Variants in RSF1 observed in about 807,000 individuals in gnomAD.
RSF1 encodes remodeling and spacing factor 1.
A neutral mutation model predicts 145.2 loss-of-function variants in RSF1; 13 were observed. The ratio of observed to expected loss-of-function variants is 0.09; its 90% CI spans 0.06 to 0.14. The LOEUF is 0.14. Among genes scored for constraint, RSF1 ranks in the 10% least tolerant of loss-of-function variants. The pLI is 1.00. For missense variants in RSF1, 1,517 were observed against 1,718.2 expected (o/e 0.88, Z 2.07); for synonymous variants, 577 against 592.6 (o/e 0.97, Z 0.38).
chr11:77,841,776 C>T, the RSF1 span, among the ~76,000 whole-genome samples: 3 of 152,148 alleles, frequency 2.0e-5, no homozygotes, highest in Non-Finnish European at 4.4e-5. Flanking sequence ...TGTTAAATCC[C>T]ACCTAGTTTG....
At chr11:77,836,792 GC>G in the RSF1 span, among the ~76,000 whole-genome samples, 1 of 152,014 alleles carries the variant, frequency 6.6e-6, no homozygotes, top group Non-Finnish European at 1.5e-5. Context: ...ATGGAGAAAC[GC>G]CATCTCTACT....
chr11:77,761,281 C>A (rs772707960), intron 2 of RSF1, among the ~76,000 whole-genome samples: 1 of 152,130 alleles, frequency 6.6e-6, no homozygotes, highest in Non-Finnish European at 1.5e-5. Flanking sequence ...CTTTCAAGTA[C>A]TGAGCCCCCC....
chr11:77,786,094 C>A (rs1427553143), intron 1 of RSF1, among the ~76,000 whole-genome samples: 3 of 152,026 alleles, frequency 2.0e-5, no homozygotes, highest in African/African-American at 7.3e-5. Flanking sequence ...ATTACTGTCT[C>A]CATTATGAAG....
chr11:77,698,731 A>G, intron 6 of RSF1, 38 bp from the exon 7 acceptor site: 1 of 1,546,382 alleles, frequency 6.5e-7, no homozygotes, highest in South Asian at 1.1e-5. Flanking sequence ...AATTTGATAT[A>G]AGAATGTCTT....
the RSF1 span, among the ~76,000 whole-genome samples, chr11:77,829,088 T>G: frequency 6.6e-6 from 1 of 152,200 alleles, no homozygotes; most frequent in African/African-American, 2.4e-5. Context: ...TATTTAGAGA[T>G]AATGCCTATA....
At chr11:77,818,883 C>T (rs547267037) in intron 1 of RSF1, among the ~76,000 whole-genome samples, 36 of 152,260 alleles carry the variant, frequency 2.4e-4, no homozygotes, top group Non-Finnish European at 3.4e-4. Flanking sequence ...TGTGAGAAGC[C>T]TTTATATAAT....
At chr11:77,714,402 T>C (rs1960757991) in intron 5 of RSF1, among the ~76,000 whole-genome samples, 1 of 152,212 alleles carries the variant, frequency 6.6e-6, no homozygotes, top group African/African-American at 2.4e-5. Context: ...ATGATAAATT[T>C]TCCCCTTCTA....
In RSF1 at chr11:77,667,174, C is replaced by T. The variant is rs778606210; in HGVS notation, c.4069G>A (p.Val1357Met). 6.2e-7 allele frequency: 1 copy of T among 1,614,134 alleles called. No individual in the cohort carries two copies. The highest frequency in any genetic ancestry group is 1.3e-5 in the African/African-American group (1 of 74,936). The change falls in exon 16 of 16, where the codon GTG becomes ATG. Residue 1357 changes from valine to methionine, a missense_variant. This residue lies in a region of RSF1 where 240 missense variants were observed against 231.8 expected (regional missense o/e 1.04). Transcript: ENST00000308488. ...EEEDFENVGK[V>M]GSPLDYSLVD... ...AAGCTATAGTCCAATGGGCTCCCCACTTTGCCTACATTTTCAAAGTCCTCT... is the reference window on the plus strand; with the variant it reads ...AAGCTATAGTCCAATGGGCTCCCCATTTTGCCTACATTTTCAAAGTCCTCT...
chr11:77,821,576 G>A (rs2136006343), upstream of RSF1, among the ~76,000 whole-genome samples: 1 of 152,240 alleles, frequency 6.6e-6, no homozygotes, highest in Middle Eastern at 3.4e-3. Flanking sequence ...AGGAGACCAG[G>A]CTCTGCTAGG....
At chr11:77,790,220 A>G (rs1948503100) in intron 1 of RSF1, among the ~76,000 whole-genome samples, 1 of 152,192 alleles carries the variant, frequency 6.6e-6, no homozygotes, top group African/African-American at 2.4e-5. Context: ...TCATGGTAGA[A>G]GGCAAGGAGG....
rs1248946732 is a variant in RSF1, at chr11:77,661,995, T to C, written c.*4922A>G. 2 of 152,138 alleles carry C rather than the reference T, an allele frequency of 1.3e-5. No individual in the cohort carries two copies. The highest frequency in any genetic ancestry group is 4.8e-5 in the African/African-American group (2 of 41,444). The allele number at this position is 152,138 out of a possible 1,614,324, so 9.4% of individuals were successfully genotyped here. On this transcript the variant is annotated 3_prime_UTR_variant, in exon 16 of 16. Transcript: ENST00000308488. ...TATATACTTAGGATTAACAATTCCA[T>C]TCTTAACTTACATCATCCAGTGGCA...
In RSF1 at chr11:77,692,486, C is replaced by T. The variant is rs542485455; in HGVS notation, c.2820+1021G>A. On this transcript the variant is annotated intron_variant, in intron 8 of 15. Coordinates refer to ENST00000308488, the MANE Select transcript of RSF1 (RefSeq NM_016578.4). ...GTCTCGATCTCCTGACCTCGTGATCCGCCCGCCTCGGCCTCCCAAAGTGCT... is the reference window on the plus strand; with the variant it reads ...GTCTCGATCTCCTGACCTCGTGATCTGCCCGCCTCGGCCTCCCAAAGTGCT... Among the ~76,000 whole-genome samples the T allele has an allele frequency of 1.0e-4, 10 of 95,932 alleles. 2 individuals carry two copies. Among genetic ancestry groups the T allele is most frequent in the Admixed American group, 2.3e-4 (2 of 8,846 alleles). 62.9% of individuals were successfully genotyped at this position (95,932 alleles called of 152,430 possible). A position where few individuals can be genotyped will look rare whatever the true frequency, so the allele number is the denominator to read the frequency against.
At chr11:77,737,239 G>C (rs1393265807) in intron 4 of RSF1, among the ~76,000 whole-genome samples, 4 of 151,986 alleles carry the variant, frequency 2.6e-5, no homozygotes, top group African/African-American at 9.7e-5. Context: ...CTTGTGCTCG[G>C]GAGTTCGATA....
intron 11 of RSF1, among the ~76,000 whole-genome samples, chr11:77,679,029 T>A (rs944043649): frequency 3.9e-5 from 6 of 152,206 alleles, no homozygotes; most frequent in Non-Finnish European, 8.8e-5. Context: ...ATGGTAAATA[T>A]TTTAGGCTTT....
intron 3 of RSF1, among the ~76,000 whole-genome samples, chr11:77,744,259 C>T (rs944353337): frequency 1.3e-5 from 2 of 152,116 alleles, no homozygotes; most frequent in Non-Finnish European, 2.9e-5. Flanking sequence ...GAACTCCTGA[C>T]CTCTACTGAT....
rs1041076505 is a variant in RSF1 at position 77,662,679 on chromosome 11, T to G, written c.*4238A>C. ...AAATGACACAAAAAAATCAGTTAAC[T>G]TGCCACTTCCAAGGTAGGTTTACAG... On this transcript the variant is annotated 3_prime_UTR_variant, in exon 16 of 16. Coordinates refer to ENST00000308488, the MANE Select transcript of RSF1 (RefSeq NM_016578.4). 1 of 152,126 alleles carries G rather than the reference T, an allele frequency of 6.6e-6. No homozygotes were observed. Among genetic ancestry groups the G allele is most frequent in the Non-Finnish European group, 1.5e-5 (1 of 68,014 alleles). 9.4% of individuals were successfully genotyped at this position (152,126 alleles called of 1,614,324 possible).
Position 77,787,887 on chromosome 11 carries a change from TGGGAG to T in RSF1, c.188-23203_188-23199del, listed in dbSNP as rs1298246689. On this transcript the variant is annotated intron_variant, in intron 1 of 15. Transcript: ENST00000308488. ...ACTCACACCTGTAATCCCAGCACTA[TGGGAG>T]GCCTAGACAGGCAACTGCTTGAGTC... is the stretch of plus-strand genomic sequence containing the variant. Among the ~76,000 whole-genome samples the T allele has an allele frequency of 3.4e-5, 5 of 147,890 alleles. No homozygotes were observed. In the East Asian group the frequency reaches 1.0e-3, roughly 30 times the overall value.
the RSF1 span, among the ~76,000 whole-genome samples, chr11:77,844,372 G>GT: frequency 5.3e-4 from 80 of 150,314 alleles, 1 homozygote; most frequent in Middle Eastern, 7.0e-3. Context: ...TTCTTTCTTT[G>GT]TTTTTTTTTG....
At chr11:77,805,136 A>G (rs1013873638) in intron 1 of RSF1, among the ~76,000 whole-genome samples, 1 of 152,192 alleles carries the variant, frequency 6.6e-6, no homozygotes, top group Non-Finnish European at 1.5e-5. Context: ...GAAAAAAGCA[A>G]TCTCTAAAAT....
Sources: allele counts gnomAD v4.1 joint callset (sites outside exome capture counted in the v4.1 genomes callset), GRCh38; gene constraint gnomAD v4.1.1; regional missense constraint gnomAD v4.1.1; transcripts MANE v1.5; gene names NCBI Gene and HGNC (gene_info 2026-07-23, HGNC 2026-07-21).